The following CADM2 variants were observed in gnomAD, a reference collection of about 807,000 sequenced individuals.
The protein encoded by CADM2 is immunoglobulin superfamily member 4D.
In CADM2, 12 loss-of-function variants were observed where a neutral mutation model predicts 49.8. The ratio of observed to expected loss-of-function variants is 0.24; its 90% CI spans 0.15 to 0.39. The LOEUF (loss-of-function observed/expected upper bound fraction) is 0.39, where lower values mean the gene tolerates loss of function less well. CADM2 is among the 10% of genes least tolerant of loss of function. The probability of loss-of-function intolerance (pLI) is 1.00; values close to 1 mark genes in which losing one functional copy is unlikely to be tolerated. For missense variants in CADM2, 378 were observed against 492.3 expected (o/e 0.77, Z 2.20); for synonymous variants, 214 against 175.4 (o/e 1.22, Z -1.74).
At chr3:85,122,036 T>A (rs1179597354) in intron 1 of CADM2, among the ~76,000 whole-genome samples, 1 of 151,982 alleles carries the variant, frequency 6.6e-6, no homozygotes, top group Admixed American at 6.6e-5. Context: ...TTTTTTTTTG[T>A]CAACAGCTAC....
At chr3:85,451,018 T>C (rs2037725980) in intron 1 of CADM2, among the ~76,000 whole-genome samples, 1 of 152,070 alleles carries the variant, frequency 6.6e-6, no homozygotes, top group African/African-American at 2.4e-5. Flanking sequence ...TGTTTTTGCG[T>C]CTTTTCATCA....
At chr3:85,721,028 T>C (rs555188341) in intron 1 of CADM2, among the ~76,000 whole-genome samples, 3 of 152,320 alleles carry the variant, frequency 2.0e-5, no homozygotes, top group South Asian at 2.1e-4. Context: ...ATATATATAT[T>C]CAGAAGTGTG....
intron 1 of CADM2, among the ~76,000 whole-genome samples, chr3:85,407,064 T>C (rs1003084063): frequency 1.3e-5 from 2 of 151,908 alleles, no homozygotes; most frequent in African/African-American, 4.8e-5. Context: ...TAAACAGGTG[T>C]GGTGGTGCAT....
intron 1 of CADM2, among the ~76,000 whole-genome samples, chr3:85,390,017 G>A (rs2034442266): frequency 6.6e-6 from 1 of 151,938 alleles, no homozygotes; most frequent in African/African-American, 2.4e-5. Flanking sequence ...AATCGGCATA[G>A]TAAATCAAAC....
intron 1 of CADM2, among the ~76,000 whole-genome samples, chr3:85,494,364 T>G (rs2039798377): frequency 6.6e-6 from 1 of 152,286 alleles, no homozygotes; most frequent in Admixed American, 6.5e-5. Flanking sequence ...TTATTTTACT[T>G]AAGTTTATAC....
chr3:85,273,312 G>A (rs1468769703), intron 1 of CADM2, among the ~76,000 whole-genome samples: 2 of 151,278 alleles, frequency 1.3e-5, no homozygotes, highest in Non-Finnish European at 3.0e-5. Context: ...GAGGTGGGAA[G>A]GCAGTGGAAG....
intron 1 of CADM2, among the ~76,000 whole-genome samples, chr3:85,400,885 C>T (rs1408324232): frequency 6.6e-6 from 1 of 152,122 alleles, no homozygotes. Context: ...CAACCCCTGA[C>T]ATCCTTACCT....
intron 1 of CADM2, among the ~76,000 whole-genome samples, chr3:85,252,259 C>T (rs1223971795): frequency 1.3e-5 from 2 of 151,912 alleles, no homozygotes; most frequent in Non-Finnish European, 2.9e-5. Context: ...CTTTGACATA[C>T]ACTCAGGGAA....
At chr3:85,261,171 C>G (rs2043007382) in intron 1 of CADM2, among the ~76,000 whole-genome samples, 1 of 152,052 alleles carries the variant, frequency 6.6e-6, no homozygotes, top group East Asian at 1.9e-4. Flanking sequence ...GAGTCTCACT[C>G]TGTCACTCAG....
chr3:85,956,813 G>T (rs1429986860), intron 7 of CADM2, among the ~76,000 whole-genome samples: 4 of 151,560 alleles, frequency 2.6e-5, no homozygotes, highest in African/African-American at 9.7e-5. Flanking sequence ...AGACAAAAAA[G>T]CTTATAAACA....
intron 1 of CADM2, among the ~76,000 whole-genome samples, chr3:85,230,272 G>A (rs1490222657): frequency 6.6e-6 from 1 of 152,038 alleles, no homozygotes; most frequent in Non-Finnish European, 1.5e-5. Flanking sequence ...GGATGGATGT[G>A]GATTCCTACA....
At chr3:85,121,707 A>G (rs1216046709) in intron 1 of CADM2, among the ~76,000 whole-genome samples, 4 of 152,180 alleles carry the variant, frequency 2.6e-5, no homozygotes, top group South Asian at 2.1e-4. Flanking sequence ...AATATTACCT[A>G]TCTTCATTCA....
At chr3:85,923,308 T>C (rs1384666781) in intron 6 of CADM2, among the ~76,000 whole-genome samples, 2 of 152,154 alleles carry the variant, frequency 1.3e-5, no homozygotes, top group African/African-American at 4.8e-5. Context: ...TTCTTTGTAT[T>C]AGAAACTGTT....
In CADM2 at chr3:85,141,287, G is replaced by C. The variant is rs1045332372; in HGVS notation, c.61+181619G>C. Among the ~76,000 whole-genome samples the C allele has an allele frequency of 5.3e-5, 8 of 152,268 alleles. 1 individual carries two copies. In the South Asian group the frequency reaches 8.3e-4, roughly 16 times the overall value. On this transcript the variant is annotated intron_variant, in intron 1 of 9. Coordinates refer to ENST00000383699, the MANE Select transcript of CADM2 (RefSeq NM_001167675.2). ...TGGGCAAATTACTTAAACTGTTTAT[G>C]CCTCAATTTCTTAATCTTTTAAATT...
At chr3:85,473,830 C>T (rs1033171344) in intron 1 of CADM2, among the ~76,000 whole-genome samples, 14 of 151,972 alleles carry the variant, frequency 9.2e-5, no homozygotes, top group African/African-American at 3.4e-4. Flanking sequence ...AGTACAGTGG[C>T]CCATGCCTGT....
chr3:85,231,185 A>G (rs2042278386), intron 1 of CADM2, among the ~76,000 whole-genome samples: 1 of 152,138 alleles, frequency 6.6e-6, no homozygotes. Flanking sequence ...GGCTCTATCT[A>G]CAAATAGTCA....
At chr3:85,576,286 T>G (rs1576846141) in intron 1 of CADM2, among the ~76,000 whole-genome samples, 1 of 152,186 alleles carries the variant, frequency 6.6e-6, no homozygotes, top group African/African-American at 2.4e-5. Flanking sequence ...CTAGTGGCAG[T>G]ACCTTAGAAC....
rs927825058 is a variant in CADM2, at chr3:86,069,613, A to G, written c.*2830A>G. 3.9e-5 allele frequency: 6 copies of G among 152,012 alleles called. No homozygotes were observed. Among genetic ancestry groups the G allele is most frequent in the Non-Finnish European group, 7.4e-5 (5 of 67,886 alleles). The allele number at this position is 152,012 out of a possible 1,614,324, so 9.4% of individuals were successfully genotyped here. ...GAATGATGTCAATTTCATTGTCTGG[A>G]ACATGCACACTTGTGTGCACATAGA... On this transcript the variant is annotated 3_prime_UTR_variant, in exon 10 of 10. Transcript: ENST00000383699.
chr3:85,837,475 G>A (rs1304886851), intron 3 of CADM2, among the ~76,000 whole-genome samples: 1 of 151,552 alleles, frequency 6.6e-6, no homozygotes, highest in Non-Finnish European at 1.5e-5. Context: ...CATCATGGTG[G>A]GTTTAACCTG....
Sources: gnomAD v4.1 joint callset for allele counts (sites outside exome capture counted in the v4.1 genomes callset) on GRCh38, gnomAD v4.1.1 for gene constraint, MANE v1.5 for transcripts, NCBI Gene and HGNC (gene_info 2026-07-23, HGNC 2026-07-21) for gene names.